The following RANBP2 variants were observed in gnomAD, a reference collection of about 807,000 sequenced individuals.
The protein encoded by RANBP2 is E3 SUMO-protein ligase RanBP2.
Under a neutral mutation model 303.6 loss-of-function variants are expected in RANBP2, and 57 were observed. The ratio of observed to expected loss-of-function variants is 0.19; its 90% CI spans 0.15 to 0.23. RANBP2 has a LOEUF of 0.23. Among genes scored for constraint, RANBP2 ranks in the 10% least tolerant of loss-of-function variants. The probability of loss-of-function intolerance (pLI) is 1.00; values close to 1 mark genes in which losing one functional copy is unlikely to be tolerated. For missense variants in RANBP2, 3,138 were observed against 3,780.8 expected (o/e 0.83, Z 4.46); for synonymous variants, 1,167 against 1,301.5 (o/e 0.90, Z 2.23).
the RANBP2 span, among the ~76,000 whole-genome samples, chr2:109,345,925 G>A: frequency 8.7e-4 from 133 of 152,240 alleles, no homozygotes; most frequent in Non-Finnish European, 1.5e-3. Flanking sequence ...CCCACCTTCC[G>A]GTTGTGATAG....
chr2:109,203,271 G>C, the RANBP2 span, among the ~76,000 whole-genome samples: 1 of 152,228 alleles, frequency 6.6e-6, no homozygotes, highest in East Asian at 1.9e-4. Context: ...AGGCTGTGTG[G>C]CTGTAATTAA....
the RANBP2 span, among the ~76,000 whole-genome samples, chr2:109,125,630 T>G: frequency 6.6e-6 from 1 of 152,264 alleles, no homozygotes; most frequent in Admixed American, 6.5e-5. Context: ...ATTTCGTTAC[T>G]TCTCTAGTCA....
chr2:109,391,658 C>A, the RANBP2 span, among the ~76,000 whole-genome samples: 10 of 152,124 alleles, frequency 6.6e-5, no homozygotes, highest in African/African-American at 2.4e-4. Flanking sequence ...GCCTAGGGTT[C>A]GATGTCCCCA....
chr2:109,018,906 C>T, the RANBP2 span, among the ~76,000 whole-genome samples: 23 of 152,338 alleles, frequency 1.5e-4, 1 homozygote, highest in East Asian at 4.1e-3. Flanking sequence ...CACCACTGAT[C>T]GTGTCCCTAG....
At chr2:109,137,776 C>G in the RANBP2 span, among the ~76,000 whole-genome samples, 13 of 152,340 alleles carry the variant, frequency 8.5e-5, no homozygotes, top group South Asian at 2.5e-3. Flanking sequence ...TTTTTGCGTT[C>G]AAAGACTAAT....
the RANBP2 span, among the ~76,000 whole-genome samples, chr2:109,084,444 A>T: frequency 6.6e-6 from 1 of 152,196 alleles, no homozygotes; most frequent in Admixed American, 6.5e-5. Flanking sequence ...TAAGCACTGG[A>T]TGATACTGGA....
downstream of RANBP2, chr2:108,788,740 AAAT>A: frequency 1.4e-6 from 2 of 1,438,654 alleles, no homozygotes; most frequent in Non-Finnish European, 1.8e-6. Context: ...AAAGAAAAAA[AAAT>A]TTGAGAGAGA....
the RANBP2 span, among the ~76,000 whole-genome samples, chr2:109,727,938 C>T: frequency 1.3e-5 from 2 of 152,292 alleles, no homozygotes; most frequent in Admixed American, 1.3e-4. Context: ...TATCAAGAGG[C>T]AAAGTCTATG....
At chr2:108,978,229 TC>T in the RANBP2 span, among the ~76,000 whole-genome samples, 6 of 152,122 alleles carry the variant, frequency 3.9e-5, no homozygotes, top group Non-Finnish European at 7.4e-5. Context: ...TCATCATTGG[TC>T]TATGAAGCAG....
chr2:109,545,370 G>T, the RANBP2 span: 1 of 1,515,450 alleles, frequency 6.6e-7, no homozygotes, highest in South Asian at 1.2e-5. Flanking sequence ...TTGGGTAACT[G>T]ATTTTAACAC....
the RANBP2 span, chr2:108,989,142 C>T: frequency 1.3e-5 from 2 of 152,800 alleles, no homozygotes; most frequent in Non-Finnish European, 2.9e-5. Flanking sequence ...ACCTCTCTGA[C>T]ACTAGCCCCG....
At chr2:108,823,176 G>A in the RANBP2 span, among the ~76,000 whole-genome samples, 1 of 152,066 alleles carries the variant, frequency 6.6e-6, no homozygotes, top group Non-Finnish European at 1.5e-5. Flanking sequence ...ACAATGAAAA[G>A]CCAGAGAGCT....
intron 1 of RANBP2, among the ~76,000 whole-genome samples, chr2:108,724,392 G>A (rs890202621): frequency 5.3e-5 from 8 of 152,024 alleles, no homozygotes; most frequent in African/African-American, 1.7e-4. Context: ...TGAAACTAAT[G>A]GTATGTCTTT....
At chr2:108,747,877 T>C (rs994598025) in intron 8 of RANBP2, among the ~76,000 whole-genome samples, 3 of 152,228 alleles carry the variant, frequency 2.0e-5, no homozygotes, top group African/African-American at 7.2e-5. Flanking sequence ...TCATAGAGTA[T>C]TACCACTGTC....
chr2:108,722,288 A>C (rs1253820535), intron 1 of RANBP2, among the ~76,000 whole-genome samples: 3 of 152,180 alleles, frequency 2.0e-5, no homozygotes, highest in Non-Finnish European at 4.4e-5. Context: ...AGTCATTTAC[A>C]TTAGAACCTG....
chr2:109,135,685 TTG>T, the RANBP2 span, among the ~76,000 whole-genome samples: 1 of 152,070 alleles, frequency 6.6e-6, no homozygotes, highest in East Asian at 1.9e-4. Flanking sequence ...TGTGTGTGTG[TTG>T]TGAGTCTGAT....
the RANBP2 span, among the ~76,000 whole-genome samples, chr2:109,326,232 A>C: frequency 6.6e-6 from 1 of 152,202 alleles, no homozygotes; most frequent in African/African-American, 2.4e-5. Flanking sequence ...CCAACAAGGA[A>C]TCAGCTGTGT....
At chr2:109,628,817 C>A in the RANBP2 span, among the ~76,000 whole-genome samples, 2 of 145,946 alleles carry the variant, frequency 1.4e-5, no homozygotes, top group African/African-American at 2.6e-5. Context: ...TTTTTTTTAA[C>A]CTTACCAAAA....
At chr2:108,759,276 T>C (rs1045423073) in intron 18 of RANBP2, among the ~76,000 whole-genome samples, 3 of 152,164 alleles carry the variant, frequency 2.0e-5, no homozygotes, top group Non-Finnish European at 2.9e-5. Context: ...GGTACCATTA[T>C]TAATCCCTTT....
Sources: allele counts gnomAD v4.1 joint callset (sites outside exome capture counted in the v4.1 genomes callset), GRCh38; gene constraint gnomAD v4.1.1; transcripts MANE v1.5; gene names NCBI Gene and HGNC (gene_info 2026-07-23, HGNC 2026-07-21).